The following SLCO1B3 variants were observed in gnomAD, a reference collection of about 807,000 sequenced individuals.
SLCO1B3 encodes the protein solute carrier organic anion transporter family member 1B3.
Under a neutral mutation model 71.8 loss-of-function variants are expected in SLCO1B3, and 72 were observed. That is an observed-to-expected ratio of 1.00 (90% CI 0.83 to 1.22). SLCO1B3 has a LOEUF of 1.22. Among genes scored for constraint, SLCO1B3 ranks in the 50% most tolerant of loss-of-function variants. The pLI is 0.00. For missense variants in SLCO1B3, 911 were observed against 819.7 expected, an observed-to-expected ratio of 1.11 and a Z score of -1.36; for synonymous variants, 298 against 278.4, an observed-to-expected ratio of 1.07 and a Z score of -0.70.
At chr12:20,842,992 GA>G (rs1864834850) in intron 3 of SLCO1B3, among the ~76,000 whole-genome samples, 1 of 152,060 alleles carries the variant, frequency 6.6e-6, no homozygotes, top group African/African-American at 2.4e-5. Flanking sequence ...CTGCTGTCCT[GA>G]TCTCAGACTT....
chr12:20,862,252 G>A (rs1195450621), intron 6 of SLCO1B3, among the ~76,000 whole-genome samples, 160 bp from the exon 7 acceptor site: 1 of 152,086 alleles, frequency 6.6e-6, no homozygotes, highest in Admixed American at 6.6e-5. Flanking sequence ...TTTTCTTTGT[G>A]CCCTTCCTTA....
At chr12:20,839,377 C>T (rs1864748879) in intron 3 of SLCO1B3, among the ~76,000 whole-genome samples, 2 of 151,992 alleles carry the variant, frequency 1.3e-5, no homozygotes, top group Admixed American at 6.6e-5. Context: ...TTTTGTTTAT[C>T]TGAGAAATCC....
intron 3 of SLCO1B3, among the ~76,000 whole-genome samples, chr12:20,850,819 G>T (rs1426955579): frequency 6.6e-6 from 1 of 152,098 alleles, no homozygotes; most frequent in African/African-American, 2.4e-5. Context: ...CATCCATGTT[G>T]CTGGAATACA....
chr12:20,908,215 G>T (rs1866295305), intron 15 of SLCO1B3, among the ~76,000 whole-genome samples: 3 of 152,158 alleles, frequency 2.0e-5, no homozygotes, highest in Non-Finnish European at 4.4e-5. Flanking sequence ...ATTTTTAATA[G>T]ATTTTATTTT....
intron 3 of SLCO1B3, among the ~76,000 whole-genome samples, chr12:20,844,482 C>T (rs141545841): frequency 1.7e-3 from 254 of 151,906 alleles, no homozygotes; most frequent in African/African-American, 5.7e-3. Flanking sequence ...ACAGGAGGAT[C>T]ACTTGAACCT....
chr12:20,847,083 G>C (rs1864934844), intron 3 of SLCO1B3, among the ~76,000 whole-genome samples: 1 of 152,126 alleles, frequency 6.6e-6, no homozygotes, highest in Non-Finnish European at 1.5e-5. Context: ...AGCACTTCAT[G>C]TTCCTGGAGG....
At chr12:20,861,941 TA>T (rs751789633) in intron 6 of SLCO1B3, among the ~76,000 whole-genome samples, 12 of 131,450 alleles carry the variant, frequency 9.1e-5, no homozygotes, top group Non-Finnish European at 3.6e-5. Context: ...TTTAACAGAA[TA>T]AAAAAAAATA....
intron 12 of SLCO1B3, among the ~76,000 whole-genome samples, chr12:20,883,199 A>G (rs1865725767): frequency 6.6e-6 from 1 of 152,210 alleles, no homozygotes; most frequent in Non-Finnish European, 1.5e-5. Flanking sequence ...AATAATGTAT[A>G]TTAATGAAAA....
intron 12 of SLCO1B3, among the ~76,000 whole-genome samples, chr12:20,882,259 A>G (rs1865708412): frequency 6.6e-6 from 1 of 152,174 alleles, no homozygotes; most frequent in Non-Finnish European, 1.5e-5. Flanking sequence ...CCTCAGTAAA[A>G]TTGTTAAAAT....
intron 1 of SLCO1B3, among the ~76,000 whole-genome samples, chr12:20,813,189 T>C (rs1375833323): frequency 2.0e-5 from 3 of 152,238 alleles, no homozygotes; most frequent in Admixed American, 6.5e-5. Flanking sequence ...CATTATCCAC[T>C]AAATATGCAT....
rs1156379319 is a variant in SLCO1B3 at position 20,871,828 on chromosome 12, C to A, written c.728-3407C>A. Among the ~76,000 whole-genome samples, 4 of 152,234 alleles carry A rather than the reference C, an allele frequency of 2.6e-5. No individual in the cohort carries two copies. In the East Asian group the frequency reaches 7.8e-4, roughly 30 times the overall value. ...CCACTGAGACTGTCCTGGGTAAGAC[C>A]TGAAGCCAGCACAGCACTGGGTCTT... On this transcript the variant is annotated intron_variant, in intron 8 of 15. Coordinates refer to ENST00000381545, the MANE Select transcript of SLCO1B3 (RefSeq NM_019844.4).
chr12:20,914,183 T>C (rs1299340852), intron 15 of SLCO1B3, among the ~76,000 whole-genome samples: 2 of 152,196 alleles, frequency 1.3e-5, no homozygotes, highest in Non-Finnish European at 2.9e-5. Flanking sequence ...TGTTCTTTGA[T>C]CCTATTTTTG....
At chr12:20,844,590 T>C (rs987646180) in intron 3 of SLCO1B3, among the ~76,000 whole-genome samples, 5 of 152,060 alleles carry the variant, frequency 3.3e-5, no homozygotes, top group African/African-American at 1.2e-4. Flanking sequence ...AATTCCATCT[T>C]GCATTAATTG....
chr12:20,912,495 A>ATT (rs34721125), intron 15 of SLCO1B3, among the ~76,000 whole-genome samples: 1,492 of 118,874 alleles, frequency 0.013, 45 homozygotes, highest in East Asian at 0.09. Context: ...CACCTGGCTA[A>ATT]TTTTTTTTTT....
chr12:20,875,366 C>A lies in SLCO1B3; in HGVS notation c.859C>A (p.Gln287Lys). ...CTTGCCGAAAAATCCAAATAAACCA[C>A]AAAAAGAAAGAAAAATTTCACTATC... ...FFLPKNPNKP[Q>K]KERKISLSLH... The change falls in exon 9 of 16, where the codon CAA becomes AAA. Residue 287 changes from glutamine (Q) to lysine (K), a missense_variant. Coordinates refer to ENST00000381545, the MANE Select transcript of SLCO1B3 (RefSeq NM_019844.4). 2.5e-6 allele frequency: 4 copies of A among 1,611,900 alleles called. No individual in the cohort carries two copies. Among genetic ancestry groups the A allele is most frequent in the Non-Finnish European group, 3.4e-6 (4 of 1,179,242 alleles).
chr12:20,900,700 A>G (rs933108894), intron 14 of SLCO1B3, among the ~76,000 whole-genome samples: 1 of 152,162 alleles, frequency 6.6e-6, no homozygotes, highest in Admixed American at 6.5e-5. Flanking sequence ...TAAAAAGTGC[A>G]TGAAATCAAT....
At chr12:20,873,500 A>G (rs546402814) in intron 8 of SLCO1B3, among the ~76,000 whole-genome samples, 1 of 152,262 alleles carries the variant, frequency 6.6e-6, no homozygotes, top group South Asian at 2.1e-4. Context: ...TTCGAGACAG[A>G]TGAGATAGAA....
At chr12:20,842,035 A>G (rs1864815017) in intron 3 of SLCO1B3, among the ~76,000 whole-genome samples, 1 of 151,982 alleles carries the variant, frequency 6.6e-6, no homozygotes. Context: ...AGCTGGGATT[A>G]CAGGCACATG....
intron 11 of SLCO1B3, 74 bp from the exon 12 acceptor site, chr12:20,880,781 C>CT: frequency 9.9e-7 from 1 of 1,012,948 alleles, no homozygotes; most frequent in East Asian, 2.8e-5. Context: ...TCCTTATCCC[C>CT]TTGTCTCCCT....
Sources: allele counts gnomAD v4.1 joint callset (sites outside exome capture counted in the v4.1 genomes callset), GRCh38; gene constraint gnomAD v4.1.1; transcripts MANE v1.5; gene names NCBI Gene and HGNC (gene_info 2026-07-23, HGNC 2026-07-21).